The following TAF1 variants were observed in gnomAD, a reference collection of about 807,000 sequenced individuals.
The protein encoded by TAF1 is TATA-box binding protein associated factor 1.
A neutral mutation model predicts 138.5 loss-of-function variants in TAF1; 2 were observed. The ratio of observed to expected loss-of-function variants is 0.01; its 90% CI spans 0.01 to 0.05. The LOEUF (loss-of-function observed/expected upper bound fraction) is 0.05, where lower values mean the gene tolerates loss of function less well. TAF1 is among the 10% of genes least tolerant of loss of function. The pLI is 1.00. For synonymous variants in TAF1, 437 were observed against 503.2 expected (o/e 0.87, Z 1.76); for missense variants, 709 against 1,478.0 (o/e 0.48, Z 8.53).
At chrX:71,507,277 C>G (rs1156865123) in intron 13 of TAF1, among the ~76,000 whole-genome samples, 1 of 111,889 alleles carries the variant, frequency 8.9e-6, no homozygotes, top group East Asian at 2.8e-4. Context: ...GTCACTCAAG[C>G]TGGAGGGCAG....
At chrX:71,506,818 A>C (rs1056431305) in intron 13 of TAF1, among the ~76,000 whole-genome samples, 1 of 112,604 alleles carries the variant, frequency 8.9e-6, no homozygotes, top group Middle Eastern at 4.6e-3. Flanking sequence ...TAGCAGCACT[A>C]TTCACAATGG....
intron 13 of TAF1, among the ~76,000 whole-genome samples, chrX:71,483,617 A>G (rs1468527973): frequency 9.3e-6 from 1 of 107,401 alleles, no homozygotes; most frequent in Non-Finnish European, 1.9e-5. Flanking sequence ...AAATAAATAC[A>G]TAAATAAAGA....
intron 18 of TAF1, among the ~76,000 whole-genome samples, chrX:71,392,203 T>C (rs1267975805): frequency 8.9e-6 from 1 of 112,007 alleles, no homozygotes; most frequent in East Asian, 2.8e-4. Flanking sequence ...GTCATTAGTC[T>C]AATTTTGAGC....
chrX:71,471,332 A>ATAT (rs1270829540), intron 13 of TAF1, among the ~76,000 whole-genome samples: 7 of 99,041 alleles, frequency 7.1e-5, no homozygotes, highest in South Asian at 4.6e-4. Context: ...AAAAAAAAAA[A>ATAT]ATATATATAT....
In TAF1 at chrX:71,451,127, A is replaced by G. The variant is rs186977149; in HGVS notation, c.4754-3043A>G. On this transcript the variant is annotated intron_variant, in intron 32 of 37. Coordinates refer to ENST00000423759, the MANE Select transcript of TAF1 (RefSeq NM_004606.5). ...TATTGAAATATAACTTAGATACAGA[A>G]AAGTGTTTTATGTATTATGGGTATA... Among the ~76,000 whole-genome samples the G allele has an allele frequency of 2.7e-5, 3 of 112,830 alleles. No homozygotes were observed. The East Asian group carries it at 8.3e-4, about 31-fold the overall frequency.
chrX:71,396,163 T>A (rs1211866278), intron 22 of TAF1, among the ~76,000 whole-genome samples: 3 of 107,509 alleles, frequency 2.8e-5, no homozygotes, highest in East Asian at 2.9e-4. Flanking sequence ...AAAAAAAAAA[T>A]AACCTACATT....
chrX:71,375,687 C>T (rs2033420327), intron 4 of TAF1, among the ~76,000 whole-genome samples: 1 of 111,694 alleles, frequency 9.0e-6, no homozygotes, highest in Non-Finnish European at 1.9e-5. Context: ...GGTTGGAGTG[C>T]AGTAGCACGA....
Position 71,379,105 on chromosome X carries a change from A to ATTTTTTTT in TAF1, c.1360+90_1360+97dup, listed in dbSNP as rs916740866. 4.8e-4 allele frequency: 231 copies of ATTTTTTTT among 485,962 alleles called. 18 individuals carry two copies. In the African/African-American group the frequency reaches 9.2e-3, roughly 19 times the overall value. 40.0% of individuals were successfully genotyped at this position (485,962 alleles called of 1,213,427 possible). On this transcript the variant is annotated intron_variant, in intron 8 of 37. Coordinates refer to ENST00000423759, the MANE Select transcript of TAF1 (RefSeq NM_004606.5). Reference sequence around the variant, plus strand: ...GTCACCATAAGTGGGCTCAGCTGTGATTTTTTTTTTTTTTTTTTTTTTTCG... The same window carrying ATTTTTTTT: ...GTCACCATAAGTGGGCTCAGCTGTGATTTTTTTTTTTTTTTTTTTTTTTTTTTTTTTCG...
chrX:71,433,180 G>A (rs2036975254), intron 32 of TAF1, among the ~76,000 whole-genome samples: 1 of 112,381 alleles, frequency 8.9e-6, no homozygotes, highest in African/African-American at 3.2e-5. Context: ...AGGTGAAGCA[G>A]TTTTCAGTAG....
At chrX:71,432,874 A>G (rs2036958331) in intron 32 of TAF1, among the ~76,000 whole-genome samples, 1 of 111,914 alleles carries the variant, frequency 8.9e-6, no homozygotes. Context: ...ACTTGCTTCA[A>G]ATTTCTTACC....
chrX:71,366,795 G>A (rs913027965), intron 1 of TAF1, among the ~76,000 whole-genome samples: 2 of 111,272 alleles, frequency 1.8e-5, no homozygotes, highest in Non-Finnish European at 3.8e-5. Flanking sequence ...TACTGAGATG[G>A]CTTCCCACCC....
intron 13 of TAF1, among the ~76,000 whole-genome samples, chrX:71,496,075 C>T (rs779971290): frequency 5.3e-5 from 6 of 112,290 alleles, no homozygotes; most frequent in Non-Finnish European, 1.1e-4. Flanking sequence ...CATGTTTGAG[C>T]AGACCAATTA....
Position 71,436,450 on chromosome X carries a change from C to T in TAF1, c.4753+12212C>T, listed in dbSNP as rs749354060. 8.5e-4 allele frequency among the ~76,000 whole-genome samples: 93 copies of T among 109,033 alleles called. 1 individual carries two copies. The highest frequency in any genetic ancestry group is 3.0e-3 in the African/African-American group (89 of 29,954). The allele number at this position is 109,033 out of a possible 115,157, so 94.7% of individuals were successfully genotyped here. On this transcript the variant is annotated intron_variant, in intron 32 of 37. Transcript: ENST00000423759. ...CAGGATGGTCTCTATCTCCTGACCTCGTGATCCGCCTGCCTCGGCCTCCCA... is the reference window on the plus strand; with the variant it reads ...CAGGATGGTCTCTATCTCCTGACCTTGTGATCCGCCTGCCTCGGCCTCCCA...
chrX:71,418,544 G>A (rs990095429), intron 28 of TAF1, among the ~76,000 whole-genome samples: 1 of 112,573 alleles, frequency 8.9e-6, no homozygotes, highest in African/African-American at 3.2e-5. Context: ...TAGAACTGAC[G>A]TTTTGGCTCT....
downstream of TAF1, among the ~76,000 whole-genome samples, chrX:71,467,512 A>G (rs1358579727): frequency 8.9e-6 from 1 of 112,057 alleles, no homozygotes; most frequent in Non-Finnish European, 1.9e-5. Flanking sequence ...TTATCATCCC[A>G]CTTCCATGAT....
Position 71,494,064 on chromosome X carries a change from C to T in TAF1, c.1366+33261C>T, listed in dbSNP as rs181865058. Among the ~76,000 whole-genome samples the T allele has an allele frequency of 1.6e-3, 180 of 111,782 alleles. 1 individual carries two copies. The highest frequency in any genetic ancestry group is 6.0e-3 in the Admixed American group (63 of 10,490). On this transcript the variant is annotated intron_variant and NMD_transcript_variant, in intron 13 of 14. Transcript: ENST00000373775. Reference sequence around the variant, plus strand: ...CTTGTCCAATCCGCAGACCGTGGGCCTCAGGCGGTACAGGACTGCTTTGAA... The same window carrying T: ...CTTGTCCAATCCGCAGACCGTGGGCTTCAGGCGGTACAGGACTGCTTTGAA...
chrX:71,409,230 C>T (rs1450797373), intron 28 of TAF1, among the ~76,000 whole-genome samples: 2 of 108,528 alleles, frequency 1.8e-5, no homozygotes, highest in African/African-American at 6.7e-5. Flanking sequence ...GGATTTCATT[C>T]CTGTTGCCCA....
intron 28 of TAF1, among the ~76,000 whole-genome samples, chrX:71,417,072 AGTAT>A (rs1321941758): frequency 1.8e-5 from 2 of 109,696 alleles, no homozygotes; most frequent in Non-Finnish European, 3.8e-5. Flanking sequence ...CAAATGTGGC[AGTAT>A]TGAGAGGTGG....
At position 71,459,674 on chromosome X, in the gene TAF1, T is replaced by C. The variant is rs763257513; in HGVS notation, c.5187T>C (p.Ala1729=). 8.3e-7 allele frequency: 1 copy of C among 1,211,359 alleles called. No individual in the cohort carries two copies. Residue 1729 remains alanine, a synonymous_variant, in exon 36 of 38, where the codon GCT becomes GCC. Coordinates refer to ENST00000423759, the MANE Select transcript of TAF1 (RefSeq NM_004606.5). ...AAGGAGAAGATGATGAGGAAGATGC[T>C]GGGAGTGATGAAGAAGGAGACAATC... The part of the protein sequence containing the change: ...MSEGEDDEED[A]GSDEEGDNPF...
Sources: gnomAD v4.1 joint callset for allele counts (sites outside exome capture counted in the v4.1 genomes callset) on GRCh38, gnomAD v4.1.1 for gene constraint, MANE v1.5 for transcripts, NCBI Gene and HGNC (gene_info 2026-07-23, HGNC 2026-07-21) for gene names.